MAP3K7: variants seen among roughly 807,000 people sequenced by gnomAD.
MAP3K7 encodes the protein mitogen-activated protein kinase kinase kinase 7.
Under a neutral mutation model 84.8 loss-of-function variants are expected in MAP3K7, and 21 were observed. The observed-to-expected ratio is 0.25, with a 90% confidence interval of 0.18 to 0.36. MAP3K7 has a LOEUF of 0.36. Among genes scored for constraint, MAP3K7 ranks in the 10% least tolerant of loss-of-function variants. The pLI, the probability that MAP3K7 is intolerant of heterozygous loss-of-function variation, is 1.00. For missense variants in MAP3K7, 503 were observed against 747.7 expected, an observed-to-expected ratio of 0.67 and a Z score of 3.82; for synonymous variants, 241 against 247.7, an observed-to-expected ratio of 0.97 and a Z score of 0.25.
At chr6:90,563,290 T>A (rs1776588128) in intron 3 of MAP3K7, among the ~76,000 whole-genome samples, 1 of 152,194 alleles carries the variant, frequency 6.6e-6, no homozygotes, top group Non-Finnish European at 1.5e-5. Context: ...GAAAGGAGGA[T>A]GTTTGAACCC....
At chr6:90,582,816 C>T (rs1373582457) in intron 1 of MAP3K7, among the ~76,000 whole-genome samples, 7 of 151,250 alleles carry the variant, frequency 4.6e-5, no homozygotes, top group Non-Finnish European at 5.9e-5. Context: ...TCTGTGTTTA[C>T]TCCAGTCTGA....
intron 13 of MAP3K7, among the ~76,000 whole-genome samples, chr6:90,525,770 G>A (rs9353740): frequency 0.027 from 4,120 of 151,660 alleles, 67 homozygotes; most frequent in South Asian, 0.044. Context: ...GTCTTGCTAC[G>A]TTCCCAGGCT....
At chr6:90,517,391 C>G (rs969974820) in intron 16 of MAP3K7, among the ~76,000 whole-genome samples, 3 of 149,890 alleles carry the variant, frequency 2.0e-5, no homozygotes, top group African/African-American at 7.3e-5. Flanking sequence ...AAAAAGTCCT[C>G]AAGCAAAATA....
In MAP3K7 at chr6:90,513,722, C is replaced by T. The variant is rs1774873155; in HGVS notation, c.*2779G>A. 1 of 152,064 alleles carries T rather than the reference C, an allele frequency of 6.6e-6. No homozygotes were observed. The allele number at this position is 152,064 out of a possible 1,614,324, so 9.4% of individuals were successfully genotyped here. A position where few individuals can be genotyped will look rare whatever the true frequency, so the allele number is the denominator to read the frequency against. Reference sequence around the variant, plus strand: ...ACAGAAGTAGAAGTAGAACTTACTACCATTTGAAGACAGGAGTTGAGCGCT... The same window carrying T: ...ACAGAAGTAGAAGTAGAACTTACTATCATTTGAAGACAGGAGTTGAGCGCT... On this transcript the variant is annotated 3_prime_UTR_variant, in exon 17 of 17. Transcript: ENST00000369329.
chr6:90,561,991 T>C (rs1177897324), intron 3 of MAP3K7, among the ~76,000 whole-genome samples: 1 of 152,134 alleles, frequency 6.6e-6, no homozygotes, highest in African/African-American at 2.4e-5. Context: ...CAAAATCACC[T>C]AAAAGAACTC....
rs1242096692 is a variant in MAP3K7 at position 90,553,438 on chromosome 6, A to G, written c.736+20T>C. ...AGAAAACACAAAAAGTACTTTTAAG[A>G]AAAATTTCTTTTTACGAACCATTAT... On this transcript the variant is annotated intron_variant, in intron 7 of 16. Transcript: ENST00000369329. 1 of 1,601,908 alleles carries G rather than the reference A, an allele frequency of 6.2e-7. No individual in the cohort carries two copies. The highest frequency in any genetic ancestry group is 1.3e-5 in the African/African-American group (1 of 74,134).
chr6:90,550,761 C>A, intron 8 of MAP3K7: 1 of 394,936 alleles, frequency 2.5e-6, no homozygotes, highest in Admixed American at 4.1e-5. Context: ...TCTAGATAGT[C>A]TTGAAGAAAA....
intron 13 of MAP3K7, among the ~76,000 whole-genome samples, chr6:90,532,913 C>G (rs1257738558): frequency 2.0e-5 from 3 of 152,202 alleles, no homozygotes; most frequent in African/African-American, 7.2e-5. Flanking sequence ...TAACAGCATG[C>G]ATCACATCTA....
intron 12 of MAP3K7, among the ~76,000 whole-genome samples, 164 bp downstream of exon 12, chr6:90,544,388 T>G (rs1232393722): frequency 6.6e-6 from 1 of 152,134 alleles, no homozygotes; most frequent in Non-Finnish European, 1.5e-5. Context: ...TTTTCAAGAC[T>G]GCTTCAGAAT....
chr6:90,552,247 A>G (rs548015648), intron 7 of MAP3K7, 68 bp from the exon 8 acceptor site: 51 of 1,381,192 alleles, frequency 3.7e-5, no homozygotes. Flanking sequence ...AACTCTTTGT[A>G]CGTATTTCCA....
At chr6:90,546,451 G>T (rs1162286863) in intron 11 of MAP3K7, among the ~76,000 whole-genome samples, 1 of 152,112 alleles carries the variant, frequency 6.6e-6, no homozygotes, top group Non-Finnish European at 1.5e-5. Context: ...GGGTAATTAT[G>T]TAAGTTTTTT....
At chr6:90,568,394 G>A (rs1178689609) in intron 3 of MAP3K7, among the ~76,000 whole-genome samples, 164 bp downstream of exon 3, 2 of 151,976 alleles carry the variant, frequency 1.3e-5, no homozygotes, top group Non-Finnish European at 2.9e-5. Context: ...TGGGATCACT[G>A]CTGATATTTT....
At chr6:90,580,915 C>G (rs1777248294) in intron 1 of MAP3K7, among the ~76,000 whole-genome samples, 1 of 152,116 alleles carries the variant, frequency 6.6e-6, no homozygotes, top group Non-Finnish European at 1.5e-5. Context: ...GCATTTCTCC[C>G]CCTATGGTTG....
intron 3 of MAP3K7, among the ~76,000 whole-genome samples, chr6:90,562,165 G>A (rs781492735): frequency 3.3e-5 from 5 of 152,216 alleles, no homozygotes; most frequent in South Asian, 2.1e-4. Flanking sequence ...CGTAAGCGAC[G>A]CAGAAGATAG....
intron 11 of MAP3K7, among the ~76,000 whole-genome samples, chr6:90,545,317 C>A (rs185715486): frequency 6.6e-6 from 1 of 152,084 alleles, no homozygotes; most frequent in African/African-American, 2.4e-5. Flanking sequence ...AAGGGATGTA[C>A]AATAGCATTT....
At chr6:90,522,030 T>C (rs1184530957) in intron 14 of MAP3K7, among the ~76,000 whole-genome samples, 1 of 152,190 alleles carries the variant, frequency 6.6e-6, no homozygotes, top group African/African-American at 2.4e-5. Context: ...TGGTTATCAA[T>C]ATTTTTCTTA....
intron 3 of MAP3K7, among the ~76,000 whole-genome samples, chr6:90,566,200 G>C (rs559701342): frequency 7.2e-5 from 11 of 152,166 alleles, no homozygotes; most frequent in Non-Finnish European, 2.9e-5. Flanking sequence ...CATAGTGTTG[G>C]AAGTTCTGGC....
chr6:90,532,335 G>A (rs887170429), intron 13 of MAP3K7, among the ~76,000 whole-genome samples: 1 of 152,134 alleles, frequency 6.6e-6, no homozygotes, highest in Non-Finnish European at 1.5e-5. Context: ...AGAGCCCGGT[G>A]AGGCACACTG....
intron 1 of MAP3K7, among the ~76,000 whole-genome samples, chr6:90,577,377 G>A (rs1777121472): frequency 6.6e-6 from 1 of 152,180 alleles, no homozygotes; most frequent in Admixed American, 6.5e-5. Context: ...CAAGTAAGAA[G>A]GTAGAAACGT....
Sources: gnomAD v4.1 joint callset for allele counts (sites outside exome capture counted in the v4.1 genomes callset) on GRCh38, gnomAD v4.1.1 for gene constraint, MANE v1.5 for transcripts, NCBI Gene and HGNC (gene_info 2026-07-23, HGNC 2026-07-21) for gene names.